The following NOL4L variants were observed in gnomAD, a reference collection of about 807,000 sequenced individuals.
NOL4L encodes the protein nucleolar protein 4 like.
In NOL4L, 7 loss-of-function variants were observed where a neutral mutation model predicts 64.5. The observed-to-expected ratio is 0.11, with a 90% CI of 0.06 to 0.20. The LOEUF (loss-of-function observed/expected upper bound fraction) is 0.20. Ranked by LOEUF, NOL4L falls within the 10% of genes least tolerant of loss-of-function variation. The pLI, the probability that NOL4L is intolerant of heterozygous loss-of-function variation, is 1.00. For missense variants in NOL4L, 680 were observed against 967.1 expected (o/e 0.70, Z 3.94); for synonymous variants, 413 against 401.0 (o/e 1.03, Z -0.36).
intron 1 of NOL4L, among the ~76,000 whole-genome samples, chr20:32,575,636 C>T (rs1404319999): frequency 6.6e-6 from 1 of 152,210 alleles, no homozygotes; most frequent in African/African-American, 2.4e-5. Flanking sequence ...AGGGCAGGGG[C>T]TGGTCTGGGT....
intron 1 of NOL4L, chr20:32,532,367 C>A (rs1439218798): frequency 2.0e-5 from 20 of 985,444 alleles, no homozygotes; most frequent in Non-Finnish European, 2.4e-5. Context: ...ATGTGTGCTA[C>A]ACCCTAGGGG....
At chr20:32,510,170 C>T (rs2017331930) in intron 4 of NOL4L, 2 of 365,822 alleles carry the variant, frequency 5.5e-6, no homozygotes, top group Non-Finnish European at 1.1e-5. Context: ...GAGATGCAAC[C>T]ATCCCAGAAC....
rs1042193792 is a variant in NOL4L, at chr20:32,463,744, C to T, written c.842-7349G>A. Among the ~76,000 whole-genome samples, 19 of 152,182 alleles carry T rather than the reference C, an allele frequency of 1.2e-4. No homozygotes were observed. The highest frequency in any genetic ancestry group is 3.1e-4 in the African/African-American group (13 of 41,444). ...TGCCCTTATGTGGGCGCCAGTGCCC[C>T]GCAGCCCGCACAAGCCCAGCTCTGT... On this transcript the variant is annotated intron_variant, in intron 5 of 10. Coordinates refer to ENST00000621426, the MANE Select transcript of NOL4L (RefSeq NM_001256798.2). The surrounding 1 kb of genome is among the most constrained non-coding windows in gnomAD (Gnocchi z 5.8).
At chr20:32,491,449 G>C (rs1015165453) in intron 4 of NOL4L, among the ~76,000 whole-genome samples, 11 of 152,200 alleles carry the variant, frequency 7.2e-5, no homozygotes, top group African/African-American at 2.7e-4. Flanking sequence ...GCTCTGAACT[G>C]ACGCGTTTGT....
At chr20:32,474,559 C>A (rs756279831) in intron 5 of NOL4L, 42 bp downstream of exon 5, 2 of 1,580,894 alleles carry the variant, frequency 1.3e-6, no homozygotes, top group Non-Finnish European at 8.6e-7. Flanking sequence ...GAGCAGGGGG[C>A]CGGGCACAGC....
intron 1 of NOL4L, among the ~76,000 whole-genome samples, chr20:32,568,485 A>G (rs974612097): frequency 4.0e-5 from 6 of 151,596 alleles, no homozygotes; most frequent in Non-Finnish European, 7.4e-5. Context: ...CTCAGACTCC[A>G]GTCTCTGCTC....
intron 1 of NOL4L, among the ~76,000 whole-genome samples, chr20:32,553,370 G>A (rs1483275403): frequency 1.3e-5 from 2 of 152,032 alleles, no homozygotes; most frequent in African/African-American, 2.4e-5. Context: ...TTCTCCTGGC[G>A]CTACTCACCA....
intron 1 of NOL4L, among the ~76,000 whole-genome samples, chr20:32,550,749 G>A (rs996818836): frequency 5.9e-5 from 9 of 152,114 alleles, no homozygotes; most frequent in Admixed American, 2.0e-4. Context: ...GTGTGGTGGC[G>A]TGTGCCTGTA....
chr20:32,534,027 G>A (rs978049233), intron 1 of NOL4L, among the ~76,000 whole-genome samples: 1 of 152,188 alleles, frequency 6.6e-6, no homozygotes, highest in African/African-American at 2.4e-5. Flanking sequence ...TTAGAGCTTC[G>A]AAGTCACTTG....
At chr20:32,498,870 A>T (rs947126376) in intron 4 of NOL4L, among the ~76,000 whole-genome samples, 5 of 151,958 alleles carry the variant, frequency 3.3e-5, no homozygotes, top group African/African-American at 1.2e-4. Context: ...TACTTAAAAA[A>T]TTTTTGTGTT....
At chr20:32,529,642 G>C (rs544387667) in intron 1 of NOL4L, among the ~76,000 whole-genome samples, 2 of 152,332 alleles carry the variant, frequency 1.3e-5, no homozygotes, top group East Asian at 1.9e-4. Context: ...GGGGGGCAAA[G>C]GGCATCTGGG....
At chr20:32,496,985 C>T (rs2016715331) in intron 4 of NOL4L, among the ~76,000 whole-genome samples, 1 of 149,802 alleles carries the variant, frequency 6.7e-6, no homozygotes, top group Admixed American at 6.7e-5. Context: ...CCGGGATCCA[C>T]ACCCAGTCAC....
At position 32,444,503 on chromosome 20, in the gene NOL4L, C is replaced by CCTAA. The variant is rs2012249316; in HGVS notation, c.*3089_*3092dup. The CCTAA allele has an allele frequency of 6.6e-6, 1 of 152,182 alleles. No homozygotes were observed. The allele number at this position is 152,182 out of a possible 1,614,324, so 9.4% of individuals were successfully genotyped here. A position where few individuals can be genotyped will look rare whatever the true frequency, so the allele number is the denominator to read the frequency against. On this transcript the variant is annotated 3_prime_UTR_variant, in exon 11 of 11. Coordinates refer to ENST00000621426, the MANE Select transcript of NOL4L (RefSeq NM_001256798.2). ...CCTGTTTGAAATCCTCGAAAACCCTCCTAACTCCCTGCCTGTCCCCCTCCC... is the reference window on the plus strand; with the variant it reads ...CCTGTTTGAAATCCTCGAAAACCCTCCTAACTAACTCCCTGCCTGTCCCCCTCCC...
chr20:32,478,269 ACACACTCT>A (rs1319343380), intron 4 of NOL4L, among the ~76,000 whole-genome samples: 18 of 127,698 alleles, frequency 1.4e-4, no homozygotes, highest in African/African-American at 4.3e-4. Context: ...ACACACACAC[ACACACTCT>A]CTCTCTCTCT....
At chr20:32,547,770 T>C (rs1194266485) in intron 1 of NOL4L, among the ~76,000 whole-genome samples, 1 of 152,144 alleles carries the variant, frequency 6.6e-6, no homozygotes, top group Non-Finnish European at 1.5e-5. Flanking sequence ...ATGCCTGGAT[T>C]TGAGGCCCCT....
chr20:32,562,327 T>C (rs1979078406), intron 1 of NOL4L, among the ~76,000 whole-genome samples: 1 of 152,204 alleles, frequency 6.6e-6, no homozygotes, highest in Non-Finnish European at 1.5e-5. Flanking sequence ...TGCTGAACGC[T>C]GACCCTGAAA....
chr20:32,460,874 C>A lies in NOL4L; in HGVS notation c.842-4479G>T, dbSNP rs1043720708. 6.6e-6 allele frequency among the ~76,000 whole-genome samples: 1 copy of A among 152,202 alleles called. No homozygotes were observed. Among genetic ancestry groups the A allele is most frequent in the Admixed American group, 6.5e-5 (1 of 15,286 alleles). On this transcript the variant is annotated intron_variant, in intron 5 of 10. Coordinates refer to ENST00000621426, the MANE Select transcript of NOL4L (RefSeq NM_001256798.2). This position sits in a 1 kb window ranked among gnomAD's most constrained non-coding sequence, Gnocchi z 5.7. ...AGACGGGGCTCTGAAGGGGTGTCACCAGCTTTCTGGCCCCTGAGCCATGGT... is the reference window on the plus strand; with the variant it reads ...AGACGGGGCTCTGAAGGGGTGTCACAAGCTTTCTGGCCCCTGAGCCATGGT...
chr20:32,474,325 G>C (rs1218458371), intron 5 of NOL4L, among the ~76,000 whole-genome samples: 1 of 152,254 alleles, frequency 6.6e-6, no homozygotes, highest in Non-Finnish European at 1.5e-5. Context: ...AGAAGCCCAT[G>C]GCATCCCGGC....
intron 4 of NOL4L, among the ~76,000 whole-genome samples, chr20:32,489,740 G>T (rs1652149793): frequency 1.3e-5 from 2 of 151,452 alleles, no homozygotes; most frequent in African/African-American, 4.9e-5. Flanking sequence ...AACCTGGGAG[G>T]CAGAGCTTGC....
Sources: allele counts gnomAD v4.1 joint callset (sites outside exome capture counted in the v4.1 genomes callset), GRCh38; gene constraint gnomAD v4.1.1; non-coding constraint Gnocchi (gnomAD v3.1); transcripts MANE v1.5; gene names NCBI Gene and HGNC (gene_info 2026-07-23, HGNC 2026-07-21).